The following WDR27 variants were observed in gnomAD, a reference collection of about 807,000 sequenced individuals.
WDR27 encodes the protein WD repeat-containing protein 27.
Under a neutral mutation model 114.4 loss-of-function variants are expected in WDR27, and 100 were observed. The ratio of observed to expected loss-of-function variants is 0.87; its 90% confidence interval spans 0.74 to 1.03. WDR27 has a LOEUF of 1.03. WDR27 is among the 50% of genes least tolerant of loss of function. WDR27 has a pLI of 0.00. For missense variants in WDR27, 1,129 were observed against 1,092.9 expected (o/e 1.03, Z -0.47); for synonymous variants, 449 against 423.1 (o/e 1.06, Z -0.75).
At chr6:169,549,590 T>C (rs1460419960) in intron 25 of WDR27, among the ~76,000 whole-genome samples, 1 of 152,248 alleles carries the variant, frequency 6.6e-6, no homozygotes, top group Non-Finnish European at 1.5e-5. Flanking sequence ...ACAGCAGCTT[T>C]ATTCATAATT....
downstream of WDR27, among the ~76,000 whole-genome samples, chr6:169,453,384 T>C (rs1285740379): frequency 6.6e-6 from 1 of 151,894 alleles, no homozygotes; most frequent in African/African-American, 2.4e-5. Flanking sequence ...AGGTCATCCG[T>C]TGGGAAAAAA....
At position 169,571,446 on chromosome 6, in the gene WDR27, G is replaced by C. The variant is rs558965312; in HGVS notation, c.2645+973C>G. ...CATGCAGCTGAATTCCCAACTTTTC[G>C]GACTCAAACCAGCAATTAGCAGGAA... is the stretch of plus-strand genomic sequence containing the variant. On this transcript the variant is annotated intron_variant, in intron 25 of 25. Coordinates refer to ENST00000448612, the MANE Select transcript of WDR27 (RefSeq NM_182552.5). Among the ~76,000 whole-genome samples the C allele has an allele frequency of 2.0e-5, 3 of 152,174 alleles. No homozygotes were observed. In the East Asian group the frequency reaches 5.8e-4, roughly 29 times the overall value.
intron 25 of WDR27, among the ~76,000 whole-genome samples, chr6:169,568,962 G>A (rs781675593): frequency 1.4e-4 from 22 of 152,136 alleles, no homozygotes; most frequent in Non-Finnish European, 2.9e-4. Flanking sequence ...GAAGGAAGCC[G>A]CATGCCCCTG....
intron 25 of WDR27, among the ~76,000 whole-genome samples, chr6:169,514,460 A>G (rs1400698242): frequency 6.7e-6 from 1 of 148,590 alleles, no homozygotes; most frequent in African/African-American, 2.4e-5. Flanking sequence ...TACCAAAAAA[A>G]TGTGTATATA....
At chr6:169,554,625 C>T (rs1165307334) in intron 25 of WDR27, among the ~76,000 whole-genome samples, 3 of 152,172 alleles carry the variant, frequency 2.0e-5, no homozygotes, top group Admixed American at 1.3e-4. Context: ...ACACTGTTCC[C>T]GTGTGGCTTC....
At chr6:169,490,200 C>A (rs143306949) in intron 25 of WDR27, among the ~76,000 whole-genome samples, 3 of 152,312 alleles carry the variant, frequency 2.0e-5, no homozygotes, top group East Asian at 3.9e-4. Context: ...CATGTTCTGC[C>A]CCCTGCACTT....
chr6:169,434,219 T>A, the WDR27 span, among the ~76,000 whole-genome samples: 1 of 152,222 alleles, frequency 6.6e-6, no homozygotes, highest in African/African-American at 2.4e-5. Context: ...TTTATGGTTT[T>A]AGGTTTTACA....
chr6:169,429,033 C>A, the WDR27 span, among the ~76,000 whole-genome samples: 1 of 152,222 alleles, frequency 6.6e-6, no homozygotes, highest in Non-Finnish European at 1.5e-5. Flanking sequence ...GAGTAGGAAG[C>A]AGCATCATTG....
At position 169,635,139 on chromosome 6, in the gene WDR27, G is replaced by A. The variant is rs1010711060; in HGVS notation, c.2004-614C>T. On this transcript the variant is annotated intron_variant, in intron 19 of 25. Coordinates refer to ENST00000448612, the MANE Select transcript of WDR27 (RefSeq NM_182552.5). ...TCCCAGCACTTTGGGAGGCCGAGGCGGGCAGATCACGAGGTCAGGAGTTCG... is the reference window on the plus strand; with the variant it reads ...TCCCAGCACTTTGGGAGGCCGAGGCAGGCAGATCACGAGGTCAGGAGTTCG... 6.6e-5 allele frequency among the ~76,000 whole-genome samples: 10 copies of A among 152,028 alleles called. No individual in the cohort carries two copies. The South Asian group carries it at 1.0e-3, about 16-fold the overall frequency.
intron 16 of WDR27, among the ~76,000 whole-genome samples, chr6:169,644,569 C>G (rs1209840390): frequency 1.3e-5 from 2 of 149,970 alleles, no homozygotes; most frequent in South Asian, 4.3e-4. Flanking sequence ...TGTCGAAAAG[C>G]CTAGTTCACA....
At chr6:169,510,644 G>C (rs1792703204) in intron 25 of WDR27, among the ~76,000 whole-genome samples, 1 of 119,070 alleles carries the variant, frequency 8.4e-6, no homozygotes, top group Non-Finnish European at 1.7e-5. Context: ...GGTGGGGGGA[G>C]GGGGGAAGGA....
At chr6:169,507,897 A>G (rs935070003) in intron 25 of WDR27, among the ~76,000 whole-genome samples, 1 of 152,206 alleles carries the variant, frequency 6.6e-6, no homozygotes, top group Non-Finnish European at 1.5e-5. Context: ...TAGCCACTCT[A>G]CAGGTCACAG....
At chr6:169,438,323 C>T in the WDR27 span, among the ~76,000 whole-genome samples, 13 of 151,110 alleles carry the variant, frequency 8.6e-5, no homozygotes, top group South Asian at 4.2e-4. Flanking sequence ...CTGCAAGCTC[C>T]GCCTCCCAGG....
chr6:169,551,846 A>G (rs1408533885), intron 25 of WDR27, among the ~76,000 whole-genome samples: 2 of 152,170 alleles, frequency 1.3e-5, no homozygotes, highest in African/African-American at 4.8e-5. Context: ...TTGCGTCATA[A>G]CCACGCAACT....
chr6:169,503,108 C>A (rs1373052827), intron 25 of WDR27, among the ~76,000 whole-genome samples: 1 of 152,042 alleles, frequency 6.6e-6, no homozygotes, highest in African/African-American at 2.4e-5. Flanking sequence ...AGCAAGACAC[C>A]CTCTGCCATG....
At chr6:169,666,920 A>G in intron 6 of WDR27, 1 of 985,438 alleles carries the variant, frequency 1.0e-6, no homozygotes, top group Non-Finnish European at 1.2e-6. Context: ...CCCAGACTCC[A>G]AGCATCCATT....
At chr6:169,635,115 C>A (rs1238268045) in intron 19 of WDR27, among the ~76,000 whole-genome samples, 2 of 152,168 alleles carry the variant, frequency 1.3e-5, no homozygotes, top group Non-Finnish European at 1.5e-5. Flanking sequence ...TGCCTGTAAT[C>A]CCAGCACTTT....
chr6:169,518,705 G>A (rs567338580), intron 25 of WDR27, among the ~76,000 whole-genome samples: 5 of 152,326 alleles, frequency 3.3e-5, no homozygotes, highest in African/African-American at 9.6e-5. Flanking sequence ...CTGTCTTTTA[G>A]TTATGCAAGT....
At chr6:169,561,608 C>CA (rs951391042) in intron 25 of WDR27, among the ~76,000 whole-genome samples, 4 of 151,118 alleles carry the variant, frequency 2.6e-5, no homozygotes, top group Non-Finnish European at 5.9e-5. Flanking sequence ...AATGGAAATA[C>CA]AAAAAATATC....
Sources: gnomAD v4.1 joint callset for allele counts (sites outside exome capture counted in the v4.1 genomes callset) on GRCh38, gnomAD v4.1.1 for gene constraint, MANE v1.5 for transcripts, NCBI Gene and HGNC (gene_info 2026-07-23, HGNC 2026-07-21) for gene names.